The following OTUD7A variants were observed in gnomAD, a reference collection of about 807,000 sequenced individuals.
OTUD7A encodes OTU domain-containing protein 7A.
In OTUD7A, 12 loss-of-function variants were observed where a neutral mutation model predicts 65.7. The ratio of observed to expected loss-of-function variants is 0.18; its 90% CI spans 0.12 to 0.30. The LOEUF is 0.30. Among genes scored for constraint, OTUD7A ranks in the 10% least tolerant of loss-of-function variants. The pLI is 1.00. For synonymous variants in OTUD7A, 641 were observed against 586.3 expected (o/e 1.09, Z -1.35); for missense variants, 1,148 against 1,304.8 (o/e 0.88, Z 1.85).
At chr15:31,646,050 C>T (rs12907512) in intron 3 of OTUD7A, among the ~76,000 whole-genome samples, 43,636 of 152,080 alleles carry the variant, frequency 0.29, 7,396 homozygotes, top group African/African-American at 0.47. Context: ...GATTTCAGTT[C>T]GCACAGCCAA....
At chr15:31,645,274 T>A (rs1240459049) in intron 3 of OTUD7A, among the ~76,000 whole-genome samples, 2 of 152,234 alleles carry the variant, frequency 1.3e-5, no homozygotes, top group Admixed American at 1.3e-4. Context: ...TAATGTTCAG[T>A]GTCTTGTTTA....
At chr15:31,637,054 G>T (rs1351533293) in intron 3 of OTUD7A, among the ~76,000 whole-genome samples, 6 of 152,196 alleles carry the variant, frequency 3.9e-5, no homozygotes, top group Admixed American at 6.5e-5. Flanking sequence ...GATCTTAGAA[G>T]ATCTAGCTAA....
At chr15:31,762,763 C>T (rs1160673268) in intron 1 of OTUD7A, among the ~76,000 whole-genome samples, 1 of 152,180 alleles carries the variant, frequency 6.6e-6, no homozygotes, top group Non-Finnish European at 1.5e-5. Flanking sequence ...ATAAAACAAA[C>T]AAAATCAATA....
At chr15:31,490,277 G>T (rs989507392) in intron 10 of OTUD7A, among the ~76,000 whole-genome samples, 2 of 152,212 alleles carry the variant, frequency 1.3e-5, no homozygotes, top group Admixed American at 6.5e-5. Context: ...GCCTAAAAAG[G>T]CCGGAAAGGT....
chr15:31,618,743 G>C lies in OTUD7A; in HGVS notation c.151+36353C>G, dbSNP rs559505399. Among the ~76,000 whole-genome samples, 9 of 152,214 alleles carry C rather than the reference G, an allele frequency of 5.9e-5. No homozygotes were observed. In the South Asian group the frequency reaches 1.7e-3, roughly 28 times the overall value. On this transcript the variant is annotated intron_variant, in intron 3 of 12. Coordinates refer to ENST00000307050, the MANE Select transcript of OTUD7A (RefSeq NM_001382637.1). ...TGTATGTTGCCTGTTCACTCTGATG[G>C]TAGTTTCTTTTGCTGTGCAGAAGCC...
intron 5 of OTUD7A, among the ~76,000 whole-genome samples, chr15:31,552,019 G>A (rs1310927821): frequency 6.6e-6 from 1 of 152,216 alleles, no homozygotes; most frequent in African/African-American, 2.4e-5. Context: ...GGTCATGGGG[G>A]TGGATTCGTC....
chr15:31,868,664 G>C (rs1897942919), intron 1 of OTUD7A, among the ~76,000 whole-genome samples: 1 of 152,132 alleles, frequency 6.6e-6, no homozygotes, highest in African/African-American at 2.4e-5. Context: ...ACACACACTT[G>C]CTCAGAGAAA....
chr15:31,574,124 A>G (rs1889134015), intron 3 of OTUD7A, among the ~76,000 whole-genome samples: 1 of 152,214 alleles, frequency 6.6e-6, no homozygotes, highest in African/African-American at 2.4e-5. Flanking sequence ...AAAAAGGGAT[A>G]TAGGATATTA....
At chr15:31,862,929 G>A (rs1332683510) in intron 1 of OTUD7A, among the ~76,000 whole-genome samples, 1 of 152,200 alleles carries the variant, frequency 6.6e-6, no homozygotes, top group Non-Finnish European at 1.5e-5. Context: ...TCAAAAGCGA[G>A]CTACTTACTT....
rs1444795309 is a variant in OTUD7A, at chr15:31,559,118, G to C, written c.401C>G (p.Ala134Gly). The change falls in exon 5 of 13, where the codon GCA becomes GGA. Residue 134 changes from alanine (A) to glycine (G), a missense_variant. This residue lies in a region of OTUD7A where 134 missense variants were observed against 252.6 expected (regional missense o/e 0.53). Transcript: ENST00000307050. ...AIVSLARSHV[A>G]SECNNEQFPL... is the part of the protein sequence containing the mutation. The stretch of plus-strand genomic sequence containing the variant: ...GAACTGCTCGTTGTTGCATTCACTT[G>C]CCACGTGGGACCGGGCCAGGGAGAC... 6.2e-7 allele frequency: 1 copy of C among 1,614,200 alleles called. No individual in the cohort carries two copies. The highest frequency in any genetic ancestry group is 1.7e-5 in the Admixed American group (1 of 60,030).
At chr15:31,592,907 A>ATG (rs1213184318) in intron 3 of OTUD7A, among the ~76,000 whole-genome samples, 13 of 48,936 alleles carry the variant, frequency 2.7e-4, no homozygotes, top group Admixed American at 3.6e-4. Flanking sequence ...AAAAAAAAAT[A>ATG]TATATATATA....
At chr15:31,563,921 C>G (rs1888778051) in intron 4 of OTUD7A, among the ~76,000 whole-genome samples, 1 of 116,308 alleles carries the variant, frequency 8.6e-6, no homozygotes, top group Admixed American at 9.6e-5. Flanking sequence ...TGTGCTCCAG[C>G]ACAGTGAAGA....
In OTUD7A at chr15:31,483,921, C is replaced by T; in HGVS notation, c.2175G>A (p.Val725=). The change falls in exon 13 of 13, where the codon GTG becomes GTA. Residue 725 remains valine, a synonymous_variant. Coordinates refer to ENST00000307050, the MANE Select transcript of OTUD7A (RefSeq NM_001382637.1). ...GGCTCGGCCGCTCCTTGAGCTTGAG[C>T]ACCAGCTGCGTGGGTGGGCCCGGAG... The part of the protein sequence containing the change: ...RASPGPPTQL[V]LKLKERPSPG... 1 of 1,080,838 alleles carries T rather than the reference C, an allele frequency of 9.3e-7. No homozygotes were observed. Among genetic ancestry groups the T allele is most frequent in the African/African-American group, 1.7e-5 (1 of 58,568 alleles). 67.0% of individuals were successfully genotyped at this position (1,080,838 alleles called of 1,614,324 possible). A position where few individuals can be genotyped will look rare whatever the true frequency, so the allele number is the denominator to read the frequency against.
At chr15:31,527,134 G>A (rs760247850) in intron 7 of OTUD7A, 47 bp downstream of exon 7, 5 of 1,610,844 alleles carry the variant, frequency 3.1e-6, no homozygotes, top group South Asian at 2.2e-5. Context: ...GCCCGAGGCT[G>A]CATCTGGCCT....
intron 10 of OTUD7A, among the ~76,000 whole-genome samples, chr15:31,500,018 G>A (rs949863294): frequency 3.7e-4 from 57 of 152,226 alleles, no homozygotes; most frequent in African/African-American, 1.3e-3. Flanking sequence ...TGCCTTTTGC[G>A]AGGAGGGGGT....
At chr15:31,775,760 G>C (rs982042504) in intron 1 of OTUD7A, among the ~76,000 whole-genome samples, 8 of 152,196 alleles carry the variant, frequency 5.3e-5, no homozygotes, top group Non-Finnish European at 7.3e-5. Flanking sequence ...GGGCATGGCA[G>C]CAGGGGCAGG....
At chr15:31,708,025 C>T (rs1301865782) in intron 1 of OTUD7A, among the ~76,000 whole-genome samples, 2 of 151,942 alleles carry the variant, frequency 1.3e-5, no homozygotes, top group South Asian at 2.1e-4. Context: ...AGAGCCTGCA[C>T]CATAGAGAAT....
intron 1 of OTUD7A, among the ~76,000 whole-genome samples, chr15:31,752,667 T>C (rs555063570): frequency 1.3e-5 from 2 of 152,314 alleles, no homozygotes; most frequent in South Asian, 4.1e-4. Flanking sequence ...TTCACTAATA[T>C]TACCGCCAAT....
At position 31,582,123 on chromosome 15, in the gene OTUD7A, G is replaced by A. The variant is rs377140145; in HGVS notation, c.152-11926C>T. Among the ~76,000 whole-genome samples, 15 of 152,276 alleles carry A rather than the reference G, an allele frequency of 9.9e-5. No individual in the cohort carries two copies. The East Asian group carries it at 2.9e-3, about 29-fold the overall frequency. On this transcript the variant is annotated intron_variant, in intron 3 of 12. Transcript: ENST00000307050. ...AAGTTCAAACTTCCACAAATCTCTAGTGCACGGGCAAAAAGCTACCAGTCT... is the reference window on the plus strand; with the variant it reads ...AAGTTCAAACTTCCACAAATCTCTAATGCACGGGCAAAAAGCTACCAGTCT...
Sources: gnomAD v4.1 joint callset for allele counts (sites outside exome capture counted in the v4.1 genomes callset) on GRCh38, gnomAD v4.1.1 for gene constraint, gnomAD v4.1.1 regional missense constraint, MANE v1.5 for transcripts, NCBI Gene and HGNC (gene_info 2026-07-23, HGNC 2026-07-21) for gene names.